The following PPFIA2 variants were observed in gnomAD, a reference collection of about 807,000 sequenced individuals.
PPFIA2 encodes the protein PPFI scaffold protein A2.
PPFIA2 carries 46 observed loss-of-function variants against 175.5 expected under a neutral mutation model. The observed-to-expected ratio is 0.26, with a 90% CI of 0.21 to 0.34. The LOEUF (loss-of-function observed/expected upper bound fraction) is 0.34. Ranked by LOEUF, PPFIA2 falls within the 10% of genes least tolerant of loss-of-function variation. PPFIA2 has a pLI of 1.00. For missense variants in PPFIA2, 1,179 were observed against 1,506.1 expected, an observed-to-expected ratio of 0.78 and a Z score of 3.60; for synonymous variants, 568 against 511.4, an observed-to-expected ratio of 1.11 and a Z score of -1.49.
rs376114694 is a variant in PPFIA2, at chr12:81,759,291, C to T, written c.-122G>A. Reference sequence around the variant, plus strand: ...CCGGAAGAACCAACCTGCTGGCAGCCGGTGAGGACGCTACAGCATCTTCTC... The same window carrying T: ...CCGGAAGAACCAACCTGCTGGCAGCTGGTGAGGACGCTACAGCATCTTCTC... On this transcript the variant is annotated 5_prime_UTR_variant, in exon 1 of 33. Transcript: ENST00000549396. The T allele has an allele frequency of 2.4e-4, 37 of 151,844 alleles. 1 individual carries two copies. In the East Asian group the frequency reaches 6.9e-3, roughly 28 times the overall value. 9.4% of individuals were successfully genotyped at this position (151,844 alleles called of 1,614,324 possible).
chr12:81,554,971 G>A (rs939110531), intron 4 of PPFIA2, among the ~76,000 whole-genome samples: 2 of 151,910 alleles, frequency 1.3e-5, no homozygotes, highest in Non-Finnish European at 2.9e-5. Context: ...AGACATTTTT[G>A]GGGGAATAGG....
chr12:81,477,827 G>A (rs955599330), intron 4 of PPFIA2, among the ~76,000 whole-genome samples: 4 of 151,780 alleles, frequency 2.6e-5, no homozygotes, highest in Admixed American at 6.6e-5. Context: ...GAGGATTTTC[G>A]CATTGATGTT....
intron 4 of PPFIA2, among the ~76,000 whole-genome samples, chr12:81,600,645 T>C (rs2059693529): frequency 6.6e-6 from 1 of 151,974 alleles, no homozygotes; most frequent in South Asian, 2.1e-4. Context: ...ATTTTTTAAA[T>C]GACTAAATAG....
At chr12:81,341,329 A>C in intron 19 of PPFIA2, 121 bp from the exon 20 acceptor site, 1 of 962,740 alleles carries the variant, frequency 1.0e-6, no homozygotes, top group South Asian at 2.2e-5. Context: ...AAACAACAAA[A>C]CTTGGGGCAT....
intron 7 of PPFIA2, among the ~76,000 whole-genome samples, chr12:81,407,990 T>A (rs1343781746): frequency 2.0e-5 from 3 of 152,198 alleles, no homozygotes; most frequent in Admixed American, 1.3e-4. Flanking sequence ...TCATATGAAG[T>A]AGCACATCAA....
At chr12:81,281,183 G>T (rs1210016158) in intron 27 of PPFIA2, 74 bp downstream of exon 27, 3 of 1,166,548 alleles carry the variant, frequency 2.6e-6, no homozygotes, top group Non-Finnish European at 3.5e-6. Flanking sequence ...GTCCATTTTT[G>T]TTTTACTAAA....
At chr12:81,676,716 A>ACT (rs2072581652) in intron 4 of PPFIA2, 75 bp downstream of exon 4, 4 of 1,018,862 alleles carry the variant, frequency 3.9e-6, no homozygotes, top group Admixed American at 6.1e-5. Flanking sequence ...ATAATATACA[A>ACT]GCAATCAACT....
chr12:81,543,915 G>C (rs191346620), intron 4 of PPFIA2, among the ~76,000 whole-genome samples: 2 of 152,086 alleles, frequency 1.3e-5, no homozygotes, highest in Admixed American at 6.6e-5. Context: ...TTCCCAACAC[G>C]TGACTAGTAT....
intron 4 of PPFIA2, among the ~76,000 whole-genome samples, chr12:81,554,808 G>A (rs541339307): frequency 9.7e-4 from 148 of 152,028 alleles, no homozygotes; most frequent in African/African-American, 3.1e-3. Context: ...AACTAAAAAC[G>A]TATACAGTTA....
rs71098156 is a variant in PPFIA2, at chr12:81,637,236, ATTTTTTTTTTTTTTTTTTT to A, written c.303+39536_303+39554del. On this transcript the variant is annotated intron_variant, in intron 4 of 32. Transcript: ENST00000549396. Reference sequence around the variant, plus strand: ...AGGCATGCGCTACCACGCCAGGCTAATTTTTTTTTTTTTTTTTTTTTTTTTTTTTTTTTTTTTTTTTTTT... The same window carrying A: ...AGGCATGCGCTACCACGCCAGGCTAATTTTTTTTTTTTTTTTTTTTTTTTT... Among the ~76,000 whole-genome samples the A allele has an allele frequency of 6.1e-3, 402 of 65,894 alleles. 13 individuals carry two copies. Among genetic ancestry groups the A allele is most frequent in the African/African-American group, 0.026 (367 of 14,176 alleles). 43.2% of individuals were successfully genotyped at this position (65,894 alleles called of 152,430 possible).
In PPFIA2 at chr12:81,439,966, G is replaced by T. The variant is rs2272083; in HGVS notation, c.645+6C>A. 402,348 of 1,601,156 alleles carry T rather than the reference G, an allele frequency of 0.25. 59,503 individuals carry two copies. The highest frequency in any genetic ancestry group is 0.61 in the African/African-American group (45,228 of 74,112). ...CCTCAAAAGAGGAGAAAGTGTGGCAGGTTACCTCCTGATTAGCAGCAGCTA... is the reference window on the plus strand; with the variant it reads ...CCTCAAAAGAGGAGAAAGTGTGGCATGTTACCTCCTGATTAGCAGCAGCTA... On this transcript the variant is annotated splice_donor_region_variant and intron_variant, in intron 7 of 32. Transcript: ENST00000549396.
Position 81,583,838 on chromosome 12 carries a change from C to T in PPFIA2, c.303+92953G>A, listed in dbSNP as rs1288468622. On this transcript the variant is annotated intron_variant, in intron 4 of 32. Coordinates refer to ENST00000549396, the MANE Select transcript of PPFIA2 (RefSeq NM_003625.5). ...AATGTCTGCCATGGAGAAGCTCTGCCTAGAATGGTCCCTCAGTTCATGGCC... is the reference window on the plus strand; with the variant it reads ...AATGTCTGCCATGGAGAAGCTCTGCTTAGAATGGTCCCTCAGTTCATGGCC... Among the ~76,000 whole-genome samples the T allele has an allele frequency of 2.6e-5, 4 of 151,916 alleles. No homozygotes were observed. In the South Asian group the frequency reaches 8.3e-4, roughly 31 times the overall value.
intron 6 of PPFIA2, among the ~76,000 whole-genome samples, chr12:81,442,515 T>A (rs1243562457): frequency 6.6e-6 from 1 of 151,948 alleles, no homozygotes; most frequent in Non-Finnish European, 1.5e-5. Context: ...ACATGTCTGA[T>A]ATGTTATTTT....
intron 15 of PPFIA2, among the ~76,000 whole-genome samples, chr12:81,361,052 T>C (rs2029951391): frequency 6.6e-6 from 1 of 151,660 alleles, no homozygotes; most frequent in African/African-American, 2.4e-5. Context: ...TGGTCTAGGG[T>C]TCCTTCCACT....
At position 81,628,347 on chromosome 12, in the gene PPFIA2, G is replaced by T. The variant is rs138988374; in HGVS notation, c.303+48444C>A. Among the ~76,000 whole-genome samples the T allele has an allele frequency of 4.7e-5, 7 of 148,324 alleles. No individual in the cohort carries two copies. The South Asian group carries it at 1.5e-3, about 32-fold the overall frequency. On this transcript the variant is annotated intron_variant, in intron 4 of 32. Coordinates refer to ENST00000549396, the MANE Select transcript of PPFIA2 (RefSeq NM_003625.5). Reference sequence around the variant, plus strand: ...AAAGAAGTTTGAGCCACATGATCTCGACTAAATCCACAATCCACTTTCTTT... The same window carrying T: ...AAAGAAGTTTGAGCCACATGATCTCTACTAAATCCACAATCCACTTTCTTT...
In PPFIA2 at chr12:81,322,675, G is replaced by T. The variant is rs537190249; in HGVS notation, c.2642+3102C>A. ...TAAAGAAAAGTACAGCAAAGATGAGGCATAGTAAAGGCAAACTAGGCAGAG... is the reference window on the plus strand; with the variant it reads ...TAAAGAAAAGTACAGCAAAGATGAGTCATAGTAAAGGCAAACTAGGCAGAG... On this transcript the variant is annotated intron_variant, in intron 22 of 32. Transcript: ENST00000549396. Among the ~76,000 whole-genome samples, 5 of 152,238 alleles carry T rather than the reference G, an allele frequency of 3.3e-5. No individual in the cohort carries two copies. In the South Asian group the frequency reaches 1.0e-3, roughly 32 times the overall value.
At chr12:81,444,735 T>C (rs994272220) in intron 6 of PPFIA2, among the ~76,000 whole-genome samples, 37 of 152,132 alleles carry the variant, frequency 2.4e-4, no homozygotes, top group African/African-American at 8.4e-4. Context: ...AAACTAGATA[T>C]AACTGGGAAA....
intron 4 of PPFIA2, among the ~76,000 whole-genome samples, chr12:81,611,942 C>G (rs565837325): frequency 6.6e-6 from 1 of 152,142 alleles, no homozygotes; most frequent in African/African-American, 2.4e-5. Flanking sequence ...CTCACTCACC[C>G]CTCTCCCACG....
rs926765775 is a variant in PPFIA2, at chr12:81,744,895, C to T, written c.249+9078G>A. ...AATACCACTTACAAATTGTGTGGTG[C>T]TGAAGAAGTTACCTAACCTCTCTGT... On this transcript the variant is annotated intron_variant, in intron 3 of 32. Coordinates refer to ENST00000549396, the MANE Select transcript of PPFIA2 (RefSeq NM_003625.5). Among the ~76,000 whole-genome samples the T allele has an allele frequency of 1.3e-5, 2 of 152,248 alleles. 1 individual carries two copies. The highest frequency in any genetic ancestry group is 6.8e-3 in the Middle Eastern group (2 of 294).
Sources: allele counts gnomAD v4.1 joint callset (sites outside exome capture counted in the v4.1 genomes callset), GRCh38; gene constraint gnomAD v4.1.1; transcripts MANE v1.5; gene names NCBI Gene and HGNC (gene_info 2026-07-23, HGNC 2026-07-21).